The following PRPF38A variants were observed in gnomAD, a reference collection of about 807,000 sequenced individuals.
PRPF38A encodes the protein pre-mRNA processing factor 38A.
PRPF38A carries 11 observed loss-of-function variants against 46.8 expected under a neutral mutation model. That is an observed-to-expected ratio of 0.24 (90% CI 0.15 to 0.39). PRPF38A has a LOEUF of 0.39. Among genes scored for constraint, PRPF38A ranks in the 10% least tolerant of loss-of-function variants. The pLI is 1.00. For missense variants in PRPF38A, 261 were observed against 407.5 expected (o/e 0.64, Z 3.10); for synonymous variants, 124 against 136.2 (o/e 0.91, Z 0.62).
At chr1:52,408,126 C>T (rs562434943) in intron 2 of PRPF38A, among the ~76,000 whole-genome samples, 10 of 150,218 alleles carry the variant, frequency 6.7e-5, no homozygotes, top group African/African-American at 9.8e-5. Flanking sequence ...CTGTAATCCT[C>T]GCTACATGGA....
intron 9 of PRPF38A, 103 bp downstream of exon 9, chr1:52,415,489 T>A: frequency 1.0e-6 from 1 of 952,918 alleles, no homozygotes; most frequent in East Asian, 2.6e-5. Flanking sequence ...GGAATTCTCC[T>A]GCATTACAAG....
rs1648340314 is a variant in PRPF38A, at chr1:52,418,040, G to C, written c.*1350G>C. On this transcript the variant is annotated 3_prime_UTR_variant, in exon 10 of 10. Transcript: ENST00000257181. ...ACTTCTGCAACTGTAGTCCCAGCAG[G>C]AACTGTGAAGACCAGCTGCCCTGCA... The C allele has an allele frequency of 6.6e-6, 1 of 152,664 alleles. No individual in the cohort carries two copies. Among genetic ancestry groups the C allele is most frequent in the African/African-American group, 2.4e-5 (1 of 41,442 alleles). The allele number at this position is 152,664 out of a possible 1,614,324, so 9.5% of individuals were successfully genotyped here.
intron 2 of PRPF38A, among the ~76,000 whole-genome samples, chr1:52,407,970 C>T (rs192290619): frequency 1.2e-3 from 183 of 152,334 alleles, no homozygotes; most frequent in African/African-American, 4.1e-3. Flanking sequence ...GCAGGAGAAT[C>T]GCTTGAACCC....
rs1474938147 is a variant in PRPF38A, at chr1:52,411,216, CTG to C, written c.498+18_498+19del. The C allele has an allele frequency of 6.3e-7, 1 of 1,582,232 alleles. No individual in the cohort carries two copies. Among genetic ancestry groups the C allele is most frequent in the South Asian group, 1.1e-5 (1 of 90,500 alleles). ...CCGACTACAGGTAAGAAATAAAAGT[CTG>C]TTACCAGAGTCACCCTTCTCTTCCT... On this transcript the variant is annotated intron_variant, in intron 4 of 9. Transcript: ENST00000257181.
rs1279886452 is a variant in PRPF38A at position 52,418,441 on chromosome 1, A to G, written c.*1751A>G. 6.6e-6 allele frequency: 1 copy of G among 152,238 alleles called. No homozygotes were observed. The highest frequency in any genetic ancestry group is 1.5e-5 in the Non-Finnish European group (1 of 68,040). 9.4% of individuals were successfully genotyped at this position (152,238 alleles called of 1,614,324 possible). A position where few individuals can be genotyped will look rare whatever the true frequency, so the allele number is the denominator to read the frequency against. On this transcript the variant is annotated 3_prime_UTR_variant, in exon 10 of 10. Transcript: ENST00000257181. Reference sequence around the variant, plus strand: ...CTGTCATCCAGTACACTCTTAAAATAAAACTTTGTCTTAAAATATGTTTTA... The same window carrying G: ...CTGTCATCCAGTACACTCTTAAAATGAAACTTTGTCTTAAAATATGTTTTA...
intron 9 of PRPF38A, among the ~76,000 whole-genome samples, chr1:52,415,931 C>T (rs187996956): frequency 5.5e-4 from 81 of 148,402 alleles, no homozygotes; most frequent in African/African-American, 1.8e-3. Flanking sequence ...CAAGCTCCAC[C>T]TCCTGGGCTC....
intron 5 of PRPF38A, among the ~76,000 whole-genome samples, chr1:52,412,852 A>C (rs1473535188): frequency 6.6e-6 from 1 of 152,170 alleles, no homozygotes; most frequent in Admixed American, 6.5e-5. Context: ...AAAATACAAA[A>C]ATTAGCCAGC....
intron 3 of PRPF38A, 65 bp from the exon 4 acceptor site, chr1:52,411,050 T>C (rs995569753): frequency 3.4e-6 from 4 of 1,186,230 alleles, no homozygotes; most frequent in Non-Finnish European, 5.0e-6. Flanking sequence ...TTAACACTTC[T>C]TTTACTTTTT....
chr1:52,408,542 G>A, intron 2 of PRPF38A, 27 bp from the exon 3 acceptor site: 3 of 1,613,854 alleles, frequency 1.9e-6, no homozygotes, highest in Non-Finnish European at 2.5e-6. Flanking sequence ...AGGATGGCCT[G>A]TTGTTTCACT....
intron 6 of PRPF38A, 94 bp downstream of exon 6, chr1:52,414,085 G>T: frequency 1.3e-6 from 1 of 757,994 alleles, no homozygotes; most frequent in Non-Finnish European, 2.2e-6. Context: ...CGTCTATGGA[G>T]AATGTTTGCC....
At chr1:52,409,533 C>T (rs1367050922) in intron 3 of PRPF38A, 1 of 152,202 alleles carries the variant, frequency 6.6e-6, no homozygotes, top group African/African-American at 2.4e-5. Flanking sequence ...ATCCCTTGAA[C>T]CAGGAGGCGG....
At chr1:52,414,521 G>A in intron 6 of PRPF38A, 100 bp from the exon 7 acceptor site, 2 of 1,217,610 alleles carry the variant, frequency 1.6e-6, no homozygotes, top group South Asian at 2.5e-5. Context: ...ACAGAGGTGG[G>A]TGATACAGAG....
intron 9 of PRPF38A, 143 bp downstream of exon 9, chr1:52,415,529 C>A: frequency 1.5e-6 from 1 of 649,442 alleles, no homozygotes; most frequent in Non-Finnish European, 2.7e-6. Flanking sequence ...TTGAGAATTA[C>A]TGGGGTTAGA....
intron 3 of PRPF38A, among the ~76,000 whole-genome samples, chr1:52,410,256 T>C (rs1240348024): frequency 1.3e-5 from 2 of 148,208 alleles, no homozygotes; most frequent in African/African-American, 2.5e-5. Flanking sequence ...GAGCCAAGAT[T>C]GCACCACTGC....
At chr1:52,414,516 G>A (rs2147958950) in intron 6 of PRPF38A, 105 bp from the exon 7 acceptor site, 1 of 1,158,914 alleles carries the variant, frequency 8.6e-7, no homozygotes, top group Non-Finnish European at 1.3e-6. Flanking sequence ...TGGATACAGA[G>A]GTGGGTGATA....
At chr1:52,408,440 C>CAG (rs1648060590) in intron 2 of PRPF38A, 129 bp from the exon 3 acceptor site, 3 of 1,254,372 alleles carry the variant, frequency 2.4e-6, no homozygotes, top group African/African-American at 2.9e-5. Context: ...CATTCTACCT[C>CAG]CACAATTGCA....
Position 52,418,650 on chromosome 1 carries a change from A to C in PRPF38A, c.*1960A>C, listed in dbSNP as rs1165696625. The C allele has an allele frequency of 6.6e-6, 1 of 152,234 alleles. No individual in the cohort carries two copies. The highest frequency in any genetic ancestry group is 2.4e-5 in the African/African-American group (1 of 41,452). 9.4% of individuals were successfully genotyped at this position (152,234 alleles called of 1,614,324 possible). On this transcript the variant is annotated 3_prime_UTR_variant, in exon 10 of 10. Coordinates refer to ENST00000257181, the MANE Select transcript of PRPF38A (RefSeq NM_032864.4). Reference sequence around the variant, plus strand: ...ATTCTTTAATTAGAAGAAGGAGGTAAGAGTAAGACATGTTGCATGTCTGTA... The same window carrying C: ...ATTCTTTAATTAGAAGAAGGAGGTACGAGTAAGACATGTTGCATGTCTGTA...
Position 52,416,842 on chromosome 1 carries a change from C to T in PRPF38A, c.*152C>T. ...ACCTTTATTTTTAATGAAGGAGGTG[C>T]TGAGTTTTGTATCTTTTTAATCATA... On this transcript the variant is annotated 3_prime_UTR_variant, in exon 10 of 10. Transcript: ENST00000257181. 2 of 660,684 alleles carry T rather than the reference C, an allele frequency of 3.0e-6. No homozygotes were observed. Among genetic ancestry groups the T allele is most frequent in the South Asian group, 1.8e-5 (1 of 56,332 alleles). The allele number at this position is 660,684 out of a possible 1,614,324, so 40.9% of individuals were successfully genotyped here. A position where few individuals can be genotyped will look rare whatever the true frequency, so the allele number is the denominator to read the frequency against.
At chr1:52,407,542 G>A (rs1356602954) in intron 2 of PRPF38A, among the ~76,000 whole-genome samples, 1 of 152,196 alleles carries the variant, frequency 6.6e-6, no homozygotes, top group Non-Finnish European at 1.5e-5. Flanking sequence ...GAACCCAGAT[G>A]ACTTACTTTT....
Sources: gnomAD v4.1 joint callset for allele counts (sites outside exome capture counted in the v4.1 genomes callset) on GRCh38, gnomAD v4.1.1 for gene constraint, MANE v1.5 for transcripts, NCBI Gene and HGNC (gene_info 2026-07-23, HGNC 2026-07-21) for gene names.